Variants in SH3KBP1 observed in about 807,000 individuals in gnomAD.
SH3KBP1 encodes the protein SH3 domain-containing kinase-binding protein 1.
In SH3KBP1, 8 loss-of-function variants were observed where a neutral mutation model predicts 50.1. That is an observed-to-expected ratio of 0.16 (90% CI 0.09 to 0.29). The LOEUF is 0.29. SH3KBP1 is among the 10% of genes least tolerant of loss of function. The pLI is 1.00. For missense variants in SH3KBP1, 377 were observed against 535.2 expected, an observed-to-expected ratio of 0.70 and a Z score of 2.92; for synonymous variants, 227 against 218.6, an observed-to-expected ratio of 1.04 and a Z score of -0.34.
At chrX:19,756,085 G>A (rs2065202821) in intron 2 of SH3KBP1, among the ~76,000 whole-genome samples, 1 of 110,538 alleles carries the variant, frequency 9.0e-6, no homozygotes, top group African/African-American at 3.3e-5. Flanking sequence ...TTTTGTCTGC[G>A]GCTTGTCCTG....
At chrX:19,753,802 A>T (rs1455868487) in intron 2 of SH3KBP1, among the ~76,000 whole-genome samples, 1 of 112,453 alleles carries the variant, frequency 8.9e-6, no homozygotes, top group Non-Finnish European at 1.9e-5. Context: ...AAAAAACATA[A>T]AGTAAATATG....
chrX:19,874,852 G>C (rs1339544308), intron 1 of SH3KBP1, among the ~76,000 whole-genome samples: 2 of 106,462 alleles, frequency 1.9e-5, no homozygotes, highest in African/African-American at 6.9e-5. Context: ...AAGAGCGTAG[G>C]GGAGATGGAT....
intron 1 of SH3KBP1, among the ~76,000 whole-genome samples, chrX:19,871,514 A>G (rs1277603302): frequency 8.9e-6 from 1 of 112,754 alleles, no homozygotes; most frequent in Non-Finnish European, 1.9e-5. Flanking sequence ...CATGAACTTT[A>G]GAACTTTCAC....
rs1340967654 is a variant in SH3KBP1, at chrX:19,640,910, C to T, written c.802+4490G>A. On this transcript the variant is annotated intron_variant, in intron 7 of 17. Coordinates refer to ENST00000397821, the MANE Select transcript of SH3KBP1 (RefSeq NM_031892.3). Reference sequence around the variant, plus strand: ...AACCAATCAGACTGACTGTGGGCCACCATATTATTTACATAGGGTGTGTAC... The same window carrying T: ...AACCAATCAGACTGACTGTGGGCCATCATATTATTTACATAGGGTGTGTAC... 3.6e-5 allele frequency among the ~76,000 whole-genome samples: 4 copies of T among 111,414 alleles called. No homozygotes were observed. In the East Asian group the frequency reaches 1.1e-3, roughly 31 times the overall value.
intron 3 of SH3KBP1, among the ~76,000 whole-genome samples, chrX:19,738,694 CAAAAAAAAAA>C (rs1193680181): frequency 5.4e-5 from 2 of 37,174 alleles, no homozygotes; most frequent in South Asian, 1.9e-3. Context: ...GTCAGCAATG[CAAAAAAAAAA>C]AAAAAAAAAA....
chrX:19,731,332 A>T (rs372102271), intron 3 of SH3KBP1, among the ~76,000 whole-genome samples: 1 of 112,602 alleles, frequency 8.9e-6, no homozygotes, highest in East Asian at 2.8e-4. Context: ...TGTCTTGTAT[A>T]CATTCTCGCA....
chrX:19,643,675 G>A (rs1008834293), intron 7 of SH3KBP1, among the ~76,000 whole-genome samples: 2 of 111,282 alleles, frequency 1.8e-5, no homozygotes, highest in African/African-American at 6.6e-5. Flanking sequence ...TATACCCAAA[G>A]ACACCTTTCT....
At chrX:19,728,045 C>A (rs1003852257) in intron 3 of SH3KBP1, among the ~76,000 whole-genome samples, 4 of 111,901 alleles carry the variant, frequency 3.6e-5, no homozygotes, top group Non-Finnish European at 5.6e-5. Flanking sequence ...GAACTGGCAG[C>A]TAGAATTTGT....
intron 8 of SH3KBP1, among the ~76,000 whole-genome samples, chrX:19,616,302 C>T (rs1602674220): frequency 9.0e-6 from 1 of 111,647 alleles, no homozygotes; most frequent in African/African-American, 3.3e-5. Context: ...AAGTCATGAC[C>T]CAGAGTGGAA....
In SH3KBP1 at chrX:19,757,560, GT is replaced by G. The variant is rs754208044; in HGVS notation, c.163-11120del. ...GCCCCATTTGTCTATATTATCTTAT[GT>G]CAAAAAAAAAAAAAAAAGCAGATTC... On this transcript the variant is annotated intron_variant, in intron 2 of 17. Coordinates refer to ENST00000397821, the MANE Select transcript of SH3KBP1 (RefSeq NM_031892.3). 5.5e-3 allele frequency among the ~76,000 whole-genome samples: 466 copies of G among 83,982 alleles called. 4 individuals carry two copies. The highest frequency in any genetic ancestry group is 0.025 in the African/African-American group (456 of 18,194). 72.9% of individuals were successfully genotyped at this position (83,982 alleles called of 115,157 possible).
At position 19,670,839 on chromosome X, in the gene SH3KBP1, C is replaced by CAAAAAAAAAA. The variant is rs397973698; in HGVS notation, c.726+12974_726+12983dup. ...ACTGGATTTATTACAACTCTAAAAG[C>CAAAAAAAAAA]AAAAAAAAAAAAAAAGAAATACCTC... On this transcript the variant is annotated intron_variant, in intron 6 of 17. Coordinates refer to ENST00000397821, the MANE Select transcript of SH3KBP1 (RefSeq NM_031892.3). The CAAAAAAAAAA allele has an allele frequency of 7.0e-3, 6,847 of 985,051 alleles. 119 individuals carry two copies. The highest frequency in any genetic ancestry group is 0.012 in the African/African-American group (332 of 28,647). 81.2% of individuals were successfully genotyped at this position (985,051 alleles called of 1,213,427 possible).
chrX:19,886,907 C>G (rs2069602048), intron 1 of SH3KBP1, among the ~76,000 whole-genome samples: 1 of 107,747 alleles, frequency 9.3e-6, no homozygotes. Flanking sequence ...ACACCAGCAG[C>G]CCCGCGCAGG....
intron 12 of SH3KBP1, among the ~76,000 whole-genome samples, chrX:19,571,876 T>C (rs1195453285): frequency 9.1e-6 from 1 of 109,918 alleles, no homozygotes; most frequent in Non-Finnish European, 1.9e-5. Context: ...TTTGAGGTGA[T>C]ACCCTGTGGG....
At chrX:19,551,353 T>C (rs2065231941) in intron 13 of SH3KBP1, among the ~76,000 whole-genome samples, 1 of 110,104 alleles carries the variant, frequency 9.1e-6, no homozygotes, top group South Asian at 3.9e-4. Flanking sequence ...TGAATGAGGC[T>C]CATAAAGGCA....
At chrX:19,674,662 C>T (rs1211226538) in intron 6 of SH3KBP1, among the ~76,000 whole-genome samples, 1 of 112,382 alleles carries the variant, frequency 8.9e-6, no homozygotes, top group Non-Finnish European at 1.9e-5. Flanking sequence ...CAGACAAGGT[C>T]CCAAATTATG....
At chrX:19,689,999 T>C (rs943510908) in intron 5 of SH3KBP1, among the ~76,000 whole-genome samples, 1 of 110,514 alleles carries the variant, frequency 9.0e-6, no homozygotes, top group Non-Finnish European at 1.9e-5. Context: ...TATTTCTGCA[T>C]CATGGCAGTG....
intron 1 of SH3KBP1, among the ~76,000 whole-genome samples, chrX:19,850,328 C>T (rs1024084731): frequency 3.6e-5 from 4 of 110,971 alleles, no homozygotes; most frequent in African/African-American, 1.3e-4. Flanking sequence ...GGATTACAGG[C>T]ACGCGCCACC....
chrX:19,534,692 G>A lies in SH3KBP1; in HGVS notation c.*1725C>T, dbSNP rs971182111. On this transcript the variant is annotated 3_prime_UTR_variant, in exon 18 of 18. Transcript: ENST00000397821. ...GGCAATATATCCAGGGATGGGAATG[G>A]AGGGTATGAGGTTTCCTTCCTTATA... is the stretch of plus-strand genomic sequence containing the variant. 1.9e-4 allele frequency: 55 copies of A among 290,480 alleles called. No individual in the cohort carries two copies. Among genetic ancestry groups the A allele is most frequent in the Admixed American group, 3.2e-4 (5 of 15,872 alleles). 23.9% of individuals were successfully genotyped at this position (290,480 alleles called of 1,213,427 possible).
intron 2 of SH3KBP1, among the ~76,000 whole-genome samples, chrX:19,797,329 A>G (rs898815106): frequency 1.8e-5 from 2 of 111,737 alleles, no homozygotes; most frequent in Admixed American, 1.9e-4. Flanking sequence ...GGAGCCAAAA[A>G]GAAAAAAAGG....
Sources: allele counts gnomAD v4.1 joint callset (sites outside exome capture counted in the v4.1 genomes callset), GRCh38; gene constraint gnomAD v4.1.1; transcripts MANE v1.5; gene names NCBI Gene and HGNC (gene_info 2026-07-23, HGNC 2026-07-21).